GNAI3: variants seen among roughly 807,000 people sequenced by gnomAD.
GNAI3 encodes G protein subunit alpha i3.
GNAI3 carries 12 observed loss-of-function variants against 41.8 expected under a neutral mutation model. The ratio of observed to expected loss-of-function variants is 0.29; its 90% CI spans 0.18 to 0.47. The LOEUF (loss-of-function observed/expected upper bound fraction) is 0.47. Among genes scored for constraint, GNAI3 ranks in the 20% least tolerant of loss-of-function variants. The pLI, the probability that GNAI3 is intolerant of heterozygous loss-of-function variation, is 1.00. For synonymous variants in GNAI3, 132 were observed against 146.5 expected, an observed-to-expected ratio of 0.90 and a Z score of 0.71; for missense variants, 360 against 429.6, an observed-to-expected ratio of 0.84 and a Z score of 1.43.
rs541494344 is a variant in GNAI3 at position 109,561,726 on chromosome 1, A to AAG, written c.119-11999_119-11998dup. ...AGGAATAGCCAATTTTGTAAGGAGG[A>AAG]AGAGAGAGAGAGACATATACGTTAG... On this transcript the variant is annotated intron_variant, in intron 1 of 8. Transcript: ENST00000369851. Among the ~76,000 whole-genome samples, 243 of 152,160 alleles carry AAG rather than the reference A, an allele frequency of 1.6e-3. 2 individuals carry two copies. In the South Asian group the frequency reaches 0.047, roughly 29 times the overall value.
chr1:109,578,570 C>T (rs1648815774), intron 3 of GNAI3, among the ~76,000 whole-genome samples: 1 of 151,620 alleles, frequency 6.6e-6, no homozygotes, highest in African/African-American at 2.4e-5. Flanking sequence ...CTTCCTTTCC[C>T]TCTCTCAGAA....
At chr1:109,579,511 A>G in intron 4 of GNAI3, 150 bp downstream of exon 4, 1 of 524,800 alleles carries the variant, frequency 1.9e-6, no homozygotes, top group Non-Finnish European at 3.2e-6. Context: ...TTAGGATTAT[A>G]GAGCCCTTGG....
chr1:109,573,975 A>G lies in GNAI3; in HGVS notation c.241A>G (p.Ile81Val). 6.2e-7 allele frequency: 1 copy of G among 1,610,572 alleles called. No individual in the cohort carries two copies. Residue 81 changes from isoleucine (I) to valine (V), a missense_variant, in exon 3 of 9, where the codon ATC (isoleucine) becomes GTC (valine). Ile to Val is a conservative substitution (Grantham distance 29). Transcript: ENST00000369851. ...TGTCTACAGCAATACTATACAGTCC[A>G]TCATTGCAATCATAAGAGCCATGGG... ...VVVYSNTIQSIIAIIRAMGRL... is the reference protein window; with the variant it reads ...VVVYSNTIQSVIAIIRAMGRL...
chr1:109,569,270 TAC>T (rs1210042075), intron 1 of GNAI3, among the ~76,000 whole-genome samples: 5 of 152,232 alleles, frequency 3.3e-5, no homozygotes, highest in African/African-American at 9.6e-5. Context: ...CCCTTCTGCA[TAC>T]AGAGTCCTCT....
At chr1:109,556,719 C>T (rs1165139545) in intron 1 of GNAI3, among the ~76,000 whole-genome samples, 1 of 152,158 alleles carries the variant, frequency 6.6e-6, no homozygotes, top group Non-Finnish European at 1.5e-5. Flanking sequence ...CTGAAAACTG[C>T]AGTTGTTTTT....
At chr1:109,575,530 A>ATTT in intron 3 of GNAI3, among the ~76,000 whole-genome samples, 1 of 65,032 alleles carries the variant, frequency 1.5e-5, no homozygotes, top group East Asian at 3.9e-4. Context: ...CTACCCTTTC[A>ATTT]TTTCTTTTTT....
chr1:109,583,470 C>T (rs1188942109), intron 5 of GNAI3, among the ~76,000 whole-genome samples: 1 of 152,228 alleles, frequency 6.6e-6, no homozygotes, highest in African/African-American at 2.4e-5. Context: ...CCACCTCAGC[C>T]TCTCAAAGTG....
At chr1:109,549,473 A>G (rs533566609) in intron 1 of GNAI3, among the ~76,000 whole-genome samples, 6 of 152,344 alleles carry the variant, frequency 3.9e-5, no homozygotes, top group Admixed American at 2.6e-4. Context: ...GGCCATCTCT[A>G]CTTTTCCACC....
At chr1:109,550,339 A>T (rs1647948758) in intron 1 of GNAI3, among the ~76,000 whole-genome samples, 1 of 152,208 alleles carries the variant, frequency 6.6e-6, no homozygotes, top group Non-Finnish European at 1.5e-5. Flanking sequence ...TGTATACCTG[A>T]ACTTTCAGAA....
At chr1:109,591,579 G>A (rs886707770) in intron 7 of GNAI3, 16 of 605,538 alleles carry the variant, frequency 2.6e-5, no homozygotes, top group East Asian at 2.1e-4. Context: ...CCTTGCGCGG[G>A]GACTGTGCTA....
rs185348675 is a variant in GNAI3 at position 109,596,907 on chromosome 1, C to T, written c.*4585C>T. 6 of 152,256 alleles carry T rather than the reference C, an allele frequency of 3.9e-5. No individual in the cohort carries two copies. The highest frequency in any genetic ancestry group is 2.0e-4 in the Admixed American group (3 of 15,296). The allele number at this position is 152,256 out of a possible 1,614,324, so 9.4% of individuals were successfully genotyped here. A position where few individuals can be genotyped will look rare whatever the true frequency, so the allele number is the denominator to read the frequency against. On this transcript the variant is annotated 3_prime_UTR_variant, in exon 9 of 9. Coordinates refer to ENST00000369851, the MANE Select transcript of GNAI3 (RefSeq NM_006496.4). ...AATCTGGGCCAACATTTGGGGACAA[C>T]TGAGTAGGACCTAATACAGGTTGAA... is the stretch of plus-strand genomic sequence containing the variant.
In GNAI3 at chr1:109,594,374, T is replaced by G. The variant is rs1649244797; in HGVS notation, c.*2052T>G. On this transcript the variant is annotated 3_prime_UTR_variant, in exon 9 of 9. Coordinates refer to ENST00000369851, the MANE Select transcript of GNAI3 (RefSeq NM_006496.4). ...ATTTTACTTTGAATTTGTATTTTCA[T>G]TTGAATATCTATCTGATATGTTAAA... The G allele has an allele frequency of 1.3e-5, 2 of 152,240 alleles. No individual in the cohort carries two copies. Among genetic ancestry groups the G allele is most frequent in the African/African-American group, 4.8e-5 (2 of 41,458 alleles). The allele number at this position is 152,240 out of a possible 1,614,324, so 9.4% of individuals were successfully genotyped here. A position where few individuals can be genotyped will look rare whatever the true frequency, so the allele number is the denominator to read the frequency against.
At chr1:109,588,368 C>CA (rs67924853) in intron 7 of GNAI3, among the ~76,000 whole-genome samples, 3,541 of 116,656 alleles carry the variant, frequency 0.03, 150 homozygotes, top group African/African-American at 0.098. Flanking sequence ...GGCGACTGAG[C>CA]AAAAAAAAAA....
In GNAI3 at chr1:109,573,629, T is replaced by C. The variant is rs535503280; in HGVS notation, c.119-108T>C. 4.7e-6 allele frequency: 4 copies of C among 856,906 alleles called. No homozygotes were observed. In the East Asian group the frequency reaches 7.4e-5, roughly 16 times the overall value. 53.1% of individuals were successfully genotyped at this position (856,906 alleles called of 1,614,324 possible). A position where few individuals can be genotyped will look rare whatever the true frequency, so the allele number is the denominator to read the frequency against. ...TAGACATGAAAGCCTCACCAAAATT[T>C]TCCCTAGGACCCGTGGTTTTCATCA... On this transcript the variant is annotated intron_variant, in intron 1 of 8. Coordinates refer to ENST00000369851, the MANE Select transcript of GNAI3 (RefSeq NM_006496.4).
intron 3 of GNAI3, among the ~76,000 whole-genome samples, chr1:109,577,079 A>G (rs1213220089): frequency 6.6e-6 from 1 of 151,656 alleles, no homozygotes; most frequent in Non-Finnish European, 1.5e-5. Context: ...GGTATAGGTC[A>G]AATTTCAGAA....
At chr1:109,548,912 G>C (rs1223385223) in intron 1 of GNAI3, 74 bp downstream of exon 1, 3 of 1,000,910 alleles carry the variant, frequency 3.0e-6, no homozygotes, top group Non-Finnish European at 3.1e-6. Flanking sequence ...ACGGGGTCTG[G>C]TCGGGCCGAC....
intron 3 of GNAI3, among the ~76,000 whole-genome samples, chr1:109,575,717 A>C (rs991854758): frequency 1.1e-4 from 16 of 151,520 alleles, no homozygotes; most frequent in Non-Finnish European, 1.0e-4. Flanking sequence ...TTTTTAGTAG[A>C]GATGGAGTTT....
chr1:109,576,214 G>A (rs553633027), intron 3 of GNAI3, among the ~76,000 whole-genome samples: 6 of 151,048 alleles, frequency 4.0e-5, no homozygotes, highest in South Asian at 2.1e-4. Flanking sequence ...GATTACAGGC[G>A]CCTGCCACCA....
At chr1:109,550,678 C>T (rs1320345095) in intron 1 of GNAI3, among the ~76,000 whole-genome samples, 3 of 152,080 alleles carry the variant, frequency 2.0e-5, no homozygotes, top group Admixed American at 6.6e-5. Context: ...GGACTACAGG[C>T]GCCCGCCACC....
Sources: allele counts gnomAD v4.1 joint callset (sites outside exome capture counted in the v4.1 genomes callset), GRCh38; gene constraint gnomAD v4.1.1; transcripts MANE v1.5; gene names NCBI Gene and HGNC (gene_info 2026-07-23, HGNC 2026-07-21).